Variants in C4BPA observed in about 807,000 individuals in gnomAD.
The protein encoded by C4BPA is complement component 4 binding protein alpha, also known as C4b-binding protein alpha chain.
C4BPA carries 31 observed loss-of-function variants against 63.7 expected under a neutral mutation model. The ratio of observed to expected loss-of-function variants is 0.49; its 90% CI spans 0.37 to 0.66. The LOEUF (loss-of-function observed/expected upper bound fraction) is 0.66, where lower values mean the gene tolerates loss of function less well. C4BPA is among the 30% of genes least tolerant of loss of function. The probability of loss-of-function intolerance (pLI) is 0.00; values close to 1 mark genes in which losing one functional copy is unlikely to be tolerated. For missense variants in C4BPA, 572 were observed against 723.3 expected (o/e 0.79, Z 2.40); for synonymous variants, 259 against 254.7 (o/e 1.02, Z -0.16).
Position 207,134,481 on chromosome 1 carries a change from G to A in C4BPA, c.1162G>A (p.Val388Ile). 1 of 1,613,774 alleles carries A rather than the reference G, an allele frequency of 6.2e-7. No individual in the cohort carries two copies. Among genetic ancestry groups the A allele is most frequent in the Non-Finnish European group, 8.5e-7 (1 of 1,179,730 alleles). Residue 388 changes from valine (V) to isoleucine (I), a missense_variant, in exon 9 of 12, where the codon GTT becomes ATT. This residue lies in a region of C4BPA where 465 missense variants were observed against 629.4 expected (regional missense o/e 0.74). Coordinates refer to ENST00000367070, the MANE Select transcript of C4BPA (RefSeq NM_000715.4). ...HRKSRPANHC[V>I]YFYGDEISFS... ...GAAAAGTCGTCCTGCCAATCACTGT[G>A]TTTATTTCTATGGAGATGAGATTTC...
chr1:207,114,450 AG>A (rs1433158815), intron 3 of C4BPA, among the ~76,000 whole-genome samples, 165 bp downstream of exon 3: 1 of 143,396 alleles, frequency 7.0e-6, no homozygotes, highest in African/African-American at 2.6e-5. Context: ...CAGAAAAATT[AG>A]GGGTAGTTAA....
At chr1:207,116,200 T>C (rs1684782653) in intron 4 of C4BPA, among the ~76,000 whole-genome samples, 1 of 152,192 alleles carries the variant, frequency 6.6e-6, no homozygotes, top group South Asian at 2.1e-4. Context: ...TTCGAAAACT[T>C]GTCAAATTTT....
chr1:207,141,623 T>A (rs1377634827), intron 10 of C4BPA, among the ~76,000 whole-genome samples: 1 of 152,186 alleles, frequency 6.6e-6, no homozygotes. Flanking sequence ...AGTATGAATA[T>A]AGGCTCCCCT....
intron 8 of C4BPA, among the ~76,000 whole-genome samples, chr1:207,132,978 T>C (rs1262147430): frequency 6.6e-6 from 1 of 152,216 alleles, no homozygotes; most frequent in Non-Finnish European, 1.5e-5. Flanking sequence ...TGAGCCGAGA[T>C]CATGCCACTG....
chr1:207,138,136 T>C (rs7524207), intron 9 of C4BPA, among the ~76,000 whole-genome samples: 26,629 of 152,178 alleles, frequency 0.17, 6,546 homozygotes, highest in African/African-American at 0.55. Context: ...GTGAACCACG[T>C]TCAGAGTTTT....
At chr1:207,140,004 T>A (rs188213480) in intron 9 of C4BPA, among the ~76,000 whole-genome samples, 1 of 152,198 alleles carries the variant, frequency 6.6e-6, no homozygotes, top group East Asian at 1.9e-4. Flanking sequence ...TCATCTGTTT[T>A]CACCCCTAAG....
At chr1:207,118,177 A>C (rs12073842) in intron 4 of C4BPA, among the ~76,000 whole-genome samples, 2 of 147,460 alleles carry the variant, frequency 1.4e-5, no homozygotes, top group African/African-American at 5.1e-5. Flanking sequence ...CTATCTATCT[A>C]TATCTATCTA....
intron 1 of C4BPA, 56 bp from the exon 2 acceptor site, chr1:207,112,945 G>T: frequency 6.8e-7 from 1 of 1,461,084 alleles, no homozygotes; most frequent in South Asian, 1.4e-5. Context: ...TTATTCTAGT[G>T]CTTTATGACA....
chr1:207,133,512 C>T (rs541926910), intron 8 of C4BPA, among the ~76,000 whole-genome samples: 21 of 152,280 alleles, frequency 1.4e-4, no homozygotes, highest in African/African-American at 5.1e-4. Context: ...ATGTGTGACC[C>T]CAGCACTTTG....
At chr1:207,124,105 T>C in intron 5 of C4BPA, 70 bp from the exon 6 acceptor site, 2 of 1,523,678 alleles carry the variant, frequency 1.3e-6, no homozygotes, top group South Asian at 1.1e-5. Flanking sequence ...TCCATTAGAA[T>C]TTGCATGAAT....
At chr1:207,144,029 G>T in intron 11 of C4BPA, 36 bp downstream of exon 11, 2 of 1,500,656 alleles carry the variant, frequency 1.3e-6, no homozygotes, top group African/African-American at 1.4e-5. Flanking sequence ...CTGTGCTGTC[G>T]ACCCCTAAAA....
chr1:207,111,590 C>T (rs1684669015), intron 1 of C4BPA, among the ~76,000 whole-genome samples: 1 of 152,168 alleles, frequency 6.6e-6, no homozygotes, highest in East Asian at 1.9e-4. Flanking sequence ...CCTTCTCCCA[C>T]ACAGTTTCTC....
chr1:207,135,069 G>T (rs1685251625), intron 9 of C4BPA, among the ~76,000 whole-genome samples: 1 of 152,174 alleles, frequency 6.6e-6, no homozygotes, highest in Admixed American at 6.5e-5. Context: ...AGGCATGGTG[G>T]CTCACACCTG....
At chr1:207,106,976 A>G (rs1684574969) in intron 1 of C4BPA, among the ~76,000 whole-genome samples, 1 of 152,222 alleles carries the variant, frequency 6.6e-6, no homozygotes, top group African/African-American at 2.4e-5. Context: ...GGAAAGTTGA[A>G]TAAACACCTT....
At chr1:207,106,689 C>A (rs1341474838) in intron 1 of C4BPA, among the ~76,000 whole-genome samples, 2 of 152,190 alleles carry the variant, frequency 1.3e-5, no homozygotes, top group African/African-American at 4.8e-5. Flanking sequence ...GATCTGCCTG[C>A]CTTGGCCTCC....
rs185389098 is a variant in C4BPA at position 207,133,543 on chromosome 1, A to G, written c.1085-861A>G. Among the ~76,000 whole-genome samples, 602 of 152,312 alleles carry G rather than the reference A, an allele frequency of 4.0e-3. 18 individuals are homozygous for G. Among genetic ancestry groups the G allele is most frequent in the Admixed American group, 0.037 (572 of 15,302 alleles). ...CTTTGGGAGGCCGAGGTGGGGGGCCACTTGAGGCCAGGAGTTTGAGATCAG... is the reference window on the plus strand; with the variant it reads ...CTTTGGGAGGCCGAGGTGGGGGGCCGCTTGAGGCCAGGAGTTTGAGATCAG... On this transcript the variant is annotated intron_variant, in intron 8 of 11. Coordinates refer to ENST00000367070, the MANE Select transcript of C4BPA (RefSeq NM_000715.4).
intron 6 of C4BPA, among the ~76,000 whole-genome samples, chr1:207,126,501 A>C (rs950507968): frequency 3.4e-5 from 5 of 148,948 alleles, no homozygotes; most frequent in South Asian, 4.2e-4. Context: ...CTAGTACTGA[A>C]AGGATTACAT....
At chr1:207,127,350 T>A (rs1685068712) in intron 7 of C4BPA, 1 of 152,274 alleles carries the variant, frequency 6.6e-6, no homozygotes, top group African/African-American at 2.4e-5. Context: ...ACTCTGAAGT[T>A]ATAAACTCGT....
intron 7 of C4BPA, 72 bp downstream of exon 7, chr1:207,126,967 C>A (rs933404673): frequency 9.3e-7 from 1 of 1,079,822 alleles, no homozygotes; most frequent in Non-Finnish European, 1.4e-6. Context: ...TACGGGTATA[C>A]TTGCATGCAT....
Sources: allele counts gnomAD v4.1 joint callset (sites outside exome capture counted in the v4.1 genomes callset), GRCh38; gene constraint gnomAD v4.1.1; regional missense constraint gnomAD v4.1.1; transcripts MANE v1.5; gene names NCBI Gene and HGNC (gene_info 2026-07-23, HGNC 2026-07-21).